The following IFT80 variants were observed in gnomAD, a reference collection of about 807,000 sequenced individuals.
IFT80 encodes the protein intraflagellar transport 80.
Under a neutral mutation model 107.9 loss-of-function variants are expected in IFT80, and 79 were observed. The observed-to-expected ratio is 0.73, with a 90% confidence interval of 0.61 to 0.88. The LOEUF is 0.88. IFT80 is among the 40% of genes least tolerant of loss of function. The pLI is 0.00. For missense variants in IFT80, 797 were observed against 914.2 expected, an observed-to-expected ratio of 0.87 and a Z score of 1.65; for synonymous variants, 299 against 300.9, an observed-to-expected ratio of 0.99 and a Z score of 0.07.
chr3:160,350,920 AAAG>A lies in IFT80; in HGVS notation c.777+5090_777+5092del, dbSNP rs1179060222. On this transcript the variant is annotated intron_variant, in intron 8 of 19. Transcript: ENST00000326448. ...AAAAGACAACATTTCTTAAAAAGAG[AAAG>A]AAGGCTGAATTACATGATTAGAGAA... Among the ~76,000 whole-genome samples the A allele has an allele frequency of 1.3e-5, 2 of 152,216 alleles. 1 individual carries two copies. The highest frequency in any genetic ancestry group is 2.9e-5 in the Non-Finnish European group (2 of 68,038).
At chr3:160,287,544 T>G (rs1423587908) in intron 12 of IFT80, among the ~76,000 whole-genome samples, 1 of 152,184 alleles carries the variant, frequency 6.6e-6, no homozygotes, top group Non-Finnish European at 1.5e-5. Flanking sequence ...GGGCAGGGGA[T>G]GAAGAACTTC....
At chr3:160,295,867 G>A (rs1315490880) in intron 12 of IFT80, among the ~76,000 whole-genome samples, 1 of 152,114 alleles carries the variant, frequency 6.6e-6, no homozygotes, top group Non-Finnish European at 1.5e-5. Flanking sequence ...TGAACCTGAC[G>A]GACATTATGC....
chr3:160,383,211 G>T (rs1712662670), intron 2 of IFT80, among the ~76,000 whole-genome samples: 1 of 152,160 alleles, frequency 6.6e-6, no homozygotes, highest in East Asian at 1.9e-4. Context: ...GAAATGAGAA[G>T]ACTGCCAGAT....
intron 12 of IFT80, among the ~76,000 whole-genome samples, chr3:160,299,474 T>C (rs1012410035): frequency 6.6e-6 from 1 of 152,216 alleles, no homozygotes; most frequent in Non-Finnish European, 1.5e-5. Context: ...TTTCATGATA[T>C]ATATTAACAG....
chr3:160,314,119 T>C (rs1177582972), intron 9 of IFT80, among the ~76,000 whole-genome samples: 1 of 152,194 alleles, frequency 6.6e-6, no homozygotes, highest in African/African-American at 2.4e-5. Flanking sequence ...ATAGCTATCA[T>C]TTTTGTTTTA....
chr3:160,300,498 A>G (rs1716338539), intron 12 of IFT80, among the ~76,000 whole-genome samples: 2 of 152,302 alleles, frequency 1.3e-5, no homozygotes, highest in South Asian at 4.1e-4. Context: ...AAATAGTTCA[A>G]TGAAGTGCAA....
chr3:160,300,783 T>C, intron 12 of IFT80, 100 bp downstream of exon 12: 1 of 886,540 alleles, frequency 1.1e-6, no homozygotes, highest in Non-Finnish European at 1.7e-6. Context: ...TCTATAAAGC[T>C]GATGTACTGG....
At chr3:160,316,185 T>G (rs1049321856) in intron 9 of IFT80, among the ~76,000 whole-genome samples, 1 of 152,110 alleles carries the variant, frequency 6.6e-6, no homozygotes, top group Non-Finnish European at 1.5e-5. Context: ...AACCACCAAG[T>G]TGTGAGCTGC....
Position 160,268,514 on chromosome 3 carries a change from A to T in IFT80, c.2122T>A (p.Tyr708Asn). 3 of 1,613,406 alleles carry T rather than the reference A, an allele frequency of 1.9e-6. No homozygotes were observed. Among genetic ancestry groups the T allele is most frequent in the Non-Finnish European group, 2.5e-6 (3 of 1,179,534 alleles). The change falls in exon 19 of 20, where the codon TAC (tyrosine) becomes AAC (asparagine). Residue 708 changes from tyrosine to asparagine, a missense_variant. Transcript: ENST00000326448. ...WERALELAVK[Y>N]KTHVDTVLAY... ...AGAACTGTATCAACATGTGTTTTGTATTTTACAGCCAATTCCAGTGCCCTA... is the reference window on the plus strand; with the variant it reads ...AGAACTGTATCAACATGTGTTTTGTTTTTTACAGCCAATTCCAGTGCCCTA...
At chr3:160,313,037 T>TTA (rs1559934203) in intron 9 of IFT80, among the ~76,000 whole-genome samples, 15 of 89,970 alleles carry the variant, frequency 1.7e-4, no homozygotes, top group Non-Finnish European at 4.0e-5. Flanking sequence ...TATATATAAA[T>TTA]ATATAATATA....
At chr3:160,320,939 A>C (rs971428650) in intron 8 of IFT80, among the ~76,000 whole-genome samples, 1 of 151,844 alleles carries the variant, frequency 6.6e-6, no homozygotes, top group Admixed American at 6.6e-5. Context: ...TTCATACATA[A>C]CATAAAAATA....
chr3:160,303,253 C>G (rs923176917), intron 11 of IFT80, among the ~76,000 whole-genome samples: 1 of 152,154 alleles, frequency 6.6e-6, no homozygotes, highest in Non-Finnish European at 1.5e-5. Context: ...CTAAGTCCTC[C>G]TCTGATTCAG....
chr3:160,374,995 G>A (rs1242637805), intron 5 of IFT80, among the ~76,000 whole-genome samples: 1 of 152,038 alleles, frequency 6.6e-6, no homozygotes, highest in Non-Finnish European at 1.5e-5. Flanking sequence ...AAATGCAAGT[G>A]ATTTGAACCT....
At chr3:160,312,597 A>G (rs1161323901) in intron 9 of IFT80, among the ~76,000 whole-genome samples, 1 of 84,122 alleles carries the variant, frequency 1.2e-5, no homozygotes, top group African/African-American at 4.6e-5. Flanking sequence ...TATATAATAA[A>G]TATATATTAT....
At chr3:160,300,787 G>A (rs115911944) in intron 12 of IFT80, 96 bp downstream of exon 12, 145 of 921,346 alleles carry the variant, frequency 1.6e-4, no homozygotes, top group Admixed American at 2.2e-4. Flanking sequence ...TAAAGCTGAT[G>A]TACTGGTAGA....
At chr3:160,351,002 A>G (rs1307427935) in intron 8 of IFT80, among the ~76,000 whole-genome samples, 1 of 151,938 alleles carries the variant, frequency 6.6e-6, no homozygotes, top group African/African-American at 2.4e-5. Context: ...CCTTTTCAAA[A>G]CCTGTACATT....
At chr3:160,353,047 C>T (rs1217383901) in intron 8 of IFT80, among the ~76,000 whole-genome samples, 1 of 152,164 alleles carries the variant, frequency 6.6e-6, no homozygotes, top group Non-Finnish European at 1.5e-5. Flanking sequence ...CAGTGACTCA[C>T]CATTGCCCAT....
chr3:160,267,886 A>G (rs559013263), intron 19 of IFT80, among the ~76,000 whole-genome samples: 1 of 152,132 alleles, frequency 6.6e-6, no homozygotes, highest in Non-Finnish European at 1.5e-5. Context: ...TTCTAATTAG[A>G]GTAATAAAAT....
intron 8 of IFT80, among the ~76,000 whole-genome samples, chr3:160,352,495 A>G (rs1720786645): frequency 1.3e-5 from 2 of 152,176 alleles, no homozygotes; most frequent in South Asian, 4.1e-4. Context: ...CTTAAAAGGA[A>G]TATCAAGCAT....
Sources: gnomAD v4.1 joint callset for allele counts (sites outside exome capture counted in the v4.1 genomes callset) on GRCh38, gnomAD v4.1.1 for gene constraint, MANE v1.5 for transcripts, NCBI Gene and HGNC (gene_info 2026-07-23, HGNC 2026-07-21) for gene names.